Variants in THADA observed in about 807,000 individuals in gnomAD.
THADA encodes the protein THADA armadillo repeat containing.
A neutral mutation model predicts 219.8 loss-of-function variants in THADA; 213 were observed. That is an observed-to-expected ratio of 0.97 (90% confidence interval 0.87 to 1.09). The LOEUF (loss-of-function observed/expected upper bound fraction) is 1.09. Among genes scored for constraint, THADA ranks in the 50% least tolerant of loss-of-function variants. The pLI is 0.00. For missense variants in THADA, 2,956 were observed against 2,311.3 expected (o/e 1.28, Z -5.72); for synonymous variants, 1,018 against 828.9 (o/e 1.23, Z -3.92).
chr2:43,290,753 G>A (rs981825956), intron 34 of THADA, among the ~76,000 whole-genome samples: 2 of 151,910 alleles, frequency 1.3e-5, no homozygotes, highest in African/African-American at 2.4e-5. Flanking sequence ...TGGATCTTCA[G>A]GTAATTTTCC....
At chr2:43,369,666 G>C (rs2104617332) in intron 29 of THADA, among the ~76,000 whole-genome samples, 1 of 152,222 alleles carries the variant, frequency 6.6e-6, no homozygotes, top group African/African-American at 2.4e-5. Context: ...TCCAGGACAG[G>C]CACTTGGGAA....
intron 22 of THADA, among the ~76,000 whole-genome samples, 165 bp downstream of exon 22, chr2:43,527,714 G>A (rs557448723): frequency 3.9e-5 from 6 of 152,282 alleles, no homozygotes; most frequent in Admixed American, 3.3e-4. Context: ...GTTATCTGCA[G>A]TAAATCATAC....
chr2:43,366,076 G>C (rs927959597), intron 29 of THADA, among the ~76,000 whole-genome samples: 1 of 152,178 alleles, frequency 6.6e-6, no homozygotes, highest in African/African-American at 2.4e-5. Flanking sequence ...GTATCTTTGT[G>C]TCACCACTAA....
At chr2:43,534,549 G>C (rs1323462048) in intron 21 of THADA, among the ~76,000 whole-genome samples, 1 of 152,064 alleles carries the variant, frequency 6.6e-6, no homozygotes, top group African/African-American at 2.4e-5. Flanking sequence ...ACTTCCACAT[G>C]TGTGAGAACA....
chr2:43,330,824 T>C (rs976753936), intron 30 of THADA, among the ~76,000 whole-genome samples: 2 of 152,144 alleles, frequency 1.3e-5, no homozygotes, highest in African/African-American at 2.4e-5. Context: ...TCCACAAGGA[T>C]GATCAGGCCT....
chr2:43,382,462 TGA>T (rs1672156996), intron 29 of THADA, among the ~76,000 whole-genome samples: 3 of 152,144 alleles, frequency 2.0e-5, no homozygotes, highest in Admixed American at 2.0e-4. Flanking sequence ...ATGTTCTTTA[TGA>T]GAGACAACTA....
chr2:43,286,471 T>A (rs1674020501), intron 35 of THADA, among the ~76,000 whole-genome samples: 1 of 152,320 alleles, frequency 6.6e-6, no homozygotes, highest in South Asian at 2.1e-4. Context: ...CTGGGAGTGG[T>A]GGCTCACACC....
chr2:43,448,560 CTTTT>C (rs71410179), intron 26 of THADA, among the ~76,000 whole-genome samples: 6 of 103,628 alleles, frequency 5.8e-5, no homozygotes, highest in Non-Finnish European at 1.1e-4. Flanking sequence ...TTCTTCCTTT[CTTTT>C]TTTTTTTTTT....
intron 21 of THADA, among the ~76,000 whole-genome samples, chr2:43,530,965 G>C (rs1008574993): frequency 2.6e-5 from 4 of 152,250 alleles, no homozygotes; most frequent in African/African-American, 9.6e-5. Context: ...AACCCACATA[G>C]CTAATACCTA....
intron 25 of THADA, among the ~76,000 whole-genome samples, chr2:43,489,240 G>C (rs949534507): frequency 1.3e-5 from 2 of 152,158 alleles, no homozygotes; most frequent in Admixed American, 6.5e-5. Context: ...GAGTGCAGTG[G>C]TGTAATCATA....
At chr2:43,260,676 C>G (rs181642034) in intron 36 of THADA, among the ~76,000 whole-genome samples, 20 of 152,264 alleles carry the variant, frequency 1.3e-4, no homozygotes, top group Non-Finnish European at 2.5e-4. Context: ...GCTTAAATAT[C>G]TAAGTGGCAT....
In THADA at chr2:43,574,901, T is replaced by C. The variant is rs776269375; in HGVS notation, c.1164A>G (p.Ile388Met). 1.9e-6 allele frequency: 3 copies of C among 1,613,884 alleles called. No homozygotes were observed. The African/African-American group carries it at 4.0e-5, about 22-fold the overall frequency. ...AGACATATTCCAAAAGTCTCCCAAC[T>C]ATACTTGAATTCCCATTCAGGCTGT... The part of the protein sequence containing the change: ...LTDSLNGNSS[I>M]VGRLLEYVYT... The change falls in exon 11 of 38, where the codon ATA becomes ATG. Residue 388 changes from isoleucine to methionine, a missense_variant. By Grantham distance (10) the Ile-to-Met change is conservative. Coordinates refer to ENST00000405975, the MANE Select transcript of THADA (RefSeq NM_022065.5).
chr2:43,233,055 G>A, intron 36 of THADA, 173 bp from the exon 37 acceptor site: 1 of 650,116 alleles, frequency 1.5e-6, no homozygotes, highest in Non-Finnish European at 2.7e-6. Context: ...TCTGAATCCT[G>A]CTATTTATAC....
intron 29 of THADA, among the ~76,000 whole-genome samples, chr2:43,376,470 A>G (rs1397520461): frequency 6.6e-6 from 1 of 152,244 alleles, no homozygotes; most frequent in Admixed American, 6.5e-5. Flanking sequence ...CCCTCAGACA[A>G]CGATAAAGAT....
chr2:43,581,811 C>T lies in THADA; in HGVS notation c.651G>A (p.Lys217=). ...KVQDFQGNLW[K]TSDSPIWQNM... is the part of the protein sequence containing the mutation. ...TTTGCCATATGGGAGAATCGGAAGT[C>T]TTCCAAAGATTTCCCTGGAAATCTT... Residue 217 remains lysine, a synonymous_variant, in exon 8 of 38, where the codon AAG becomes AAA. Transcript: ENST00000405975. 6.2e-7 allele frequency: 1 copy of T among 1,612,964 alleles called. No individual in the cohort carries two copies.
chr2:43,308,507 C>T (rs897029014), intron 31 of THADA, among the ~76,000 whole-genome samples: 1 of 151,976 alleles, frequency 6.6e-6, no homozygotes, highest in Non-Finnish European at 1.5e-5. Flanking sequence ...GAATTCAAAA[C>T]CAATCTGGGC....
intron 22 of THADA, among the ~76,000 whole-genome samples, chr2:43,516,022 G>C (rs1691681897): frequency 6.6e-6 from 1 of 152,124 alleles, no homozygotes; most frequent in South Asian, 2.1e-4. Flanking sequence ...AAACTTTGTA[G>C]TTATGCTCTC....
At chr2:43,244,020 TTTA>T (rs760742413) in intron 36 of THADA, among the ~76,000 whole-genome samples, 1 of 152,146 alleles carries the variant, frequency 6.6e-6, no homozygotes, top group South Asian at 2.1e-4. Flanking sequence ...TTTCAAAATC[TTTA>T]TTATTATTTT....
At chr2:43,589,108 C>G (rs1170526748) in intron 4 of THADA, among the ~76,000 whole-genome samples, 1 of 152,088 alleles carries the variant, frequency 6.6e-6, no homozygotes, top group South Asian at 2.1e-4. Flanking sequence ...TATGGTCCAG[C>G]AATCCCACTT....
Sources: allele counts gnomAD v4.1 joint callset (sites outside exome capture counted in the v4.1 genomes callset), GRCh38; gene constraint gnomAD v4.1.1; transcripts MANE v1.5; gene names NCBI Gene and HGNC (gene_info 2026-07-23, HGNC 2026-07-21).